The following SPOCK3 variants were observed in gnomAD, a reference collection of about 807,000 sequenced individuals.
SPOCK3 encodes the protein SPARC (osteonectin), cwcv and kazal like domains proteoglycan 3.
In SPOCK3, 30 loss-of-function variants were observed where a neutral mutation model predicts 56.6. The observed-to-expected ratio is 0.53, with a 90% CI of 0.40 to 0.72. The LOEUF is 0.72. SPOCK3 is among the 30% of genes least tolerant of loss of function. The pLI, the probability that SPOCK3 is intolerant of heterozygous loss-of-function variation, is 0.00. For synonymous variants in SPOCK3, 196 were observed against 183.3 expected (o/e 1.07, Z -0.56); for missense variants, 527 against 530.0 (o/e 0.99, Z 0.06).
intron 3 of SPOCK3, among the ~76,000 whole-genome samples, chr4:167,043,702 T>A (rs1342748323): frequency 6.9e-6 from 1 of 144,480 alleles, no homozygotes; most frequent in African/African-American, 2.5e-5. Flanking sequence ...ACTATGTAAT[T>A]TTTTTTCTTC....
intron 4 of SPOCK3, among the ~76,000 whole-genome samples, chr4:166,924,630 G>A (rs552394732): frequency 6.6e-6 from 1 of 152,272 alleles, no homozygotes; most frequent in South Asian, 2.1e-4. Flanking sequence ...CACTAACAAT[G>A]CCTGAAAGGC....
chr4:167,184,770 G>C (rs12640384), intron 2 of SPOCK3, among the ~76,000 whole-genome samples: 27,784 of 151,934 alleles, frequency 0.18, 2,741 homozygotes, highest in Admixed American at 0.26. Flanking sequence ...TGGAAGCTGA[G>C]ACTCTGAAAG....
chr4:167,200,029 T>C (rs1304143970), intron 2 of SPOCK3, among the ~76,000 whole-genome samples: 1 of 152,068 alleles, frequency 6.6e-6, no homozygotes, highest in Non-Finnish European at 1.5e-5. Context: ...ATAATTACTA[T>C]ATAGACAAGA....
chr4:166,835,878 T>C (rs1306633653), intron 6 of SPOCK3, among the ~76,000 whole-genome samples: 2 of 152,090 alleles, frequency 1.3e-5, no homozygotes, highest in African/African-American at 4.8e-5. Flanking sequence ...TGGTGGTGCA[T>C]GCCTGTAATT....
chr4:167,175,141 T>C (rs894600563), intron 2 of SPOCK3, among the ~76,000 whole-genome samples: 33 of 152,244 alleles, frequency 2.2e-4, no homozygotes, highest in Admixed American at 2.1e-3. Flanking sequence ...CTTATAGAAC[T>C]TCTGATGCCA....
chr4:166,836,334 GCTTT>G (rs1454353559), intron 6 of SPOCK3, among the ~76,000 whole-genome samples: 7 of 152,070 alleles, frequency 4.6e-5, no homozygotes, highest in Non-Finnish European at 1.0e-4. Flanking sequence ...ATTTTTTTCA[GCTTT>G]CTAAGAATTA....
chr4:166,786,522 A>G (rs1740745584), intron 7 of SPOCK3, among the ~76,000 whole-genome samples: 1 of 152,166 alleles, frequency 6.6e-6, no homozygotes, highest in African/African-American at 2.4e-5. Flanking sequence ...AGAAAAAAAT[A>G]TCATGGCTTA....
At chr4:166,891,193 A>T (rs944281859) in intron 5 of SPOCK3, among the ~76,000 whole-genome samples, 1 of 151,978 alleles carries the variant, frequency 6.6e-6, no homozygotes, top group Non-Finnish European at 1.5e-5. Flanking sequence ...TCTAAAAGAA[A>T]TAGATCTTGC....
chr4:167,077,292 A>G (rs959347951), intron 2 of SPOCK3, among the ~76,000 whole-genome samples: 2 of 151,826 alleles, frequency 1.3e-5, no homozygotes, highest in Non-Finnish European at 2.9e-5. Context: ...ACACACATCA[A>G]AATTCTTTAG....
At position 167,143,329 on chromosome 4, in the gene SPOCK3, T is replaced by C. The variant is rs186734298; in HGVS notation, c.190-80792A>G. On this transcript the variant is annotated intron_variant, in intron 2 of 10. Transcript: ENST00000357545. Reference sequence around the variant, plus strand: ...TGTAAAGTGGAAAGATTTTGGGTTATGGATTCAGAGAAACATGGATTTCAA... The same window carrying C: ...TGTAAAGTGGAAAGATTTTGGGTTACGGATTCAGAGAAACATGGATTTCAA... Among the ~76,000 whole-genome samples the C allele has an allele frequency of 3.0e-3, 458 of 152,108 alleles. 5 individuals are homozygous for C. Among genetic ancestry groups the C allele is most frequent in the Non-Finnish European group, 5.3e-4 (36 of 67,920 alleles).
At chr4:166,854,641 T>C (rs1384149511) in intron 6 of SPOCK3, among the ~76,000 whole-genome samples, 1 of 152,216 alleles carries the variant, frequency 6.6e-6, no homozygotes, top group Non-Finnish European at 1.5e-5. Context: ...GTTATCAAAA[T>C]TATACTGTTG....
At chr4:167,214,490 C>T (rs905333045) in intron 2 of SPOCK3, among the ~76,000 whole-genome samples, 4 of 152,012 alleles carry the variant, frequency 2.6e-5, no homozygotes, top group Non-Finnish European at 4.4e-5. Flanking sequence ...TTCATGACTA[C>T]AACTTCACAT....
chr4:167,115,305 T>C (rs1421652331), intron 2 of SPOCK3, among the ~76,000 whole-genome samples: 1 of 148,754 alleles, frequency 6.7e-6, no homozygotes, highest in Non-Finnish European at 1.5e-5. Context: ...ATTTGCTATC[T>C]GGCCTTGTAC....
intron 8 of SPOCK3, among the ~76,000 whole-genome samples, chr4:166,749,188 G>A (rs758686680): frequency 8.0e-5 from 11 of 137,388 alleles, no homozygotes; most frequent in East Asian, 3.9e-4. Context: ...ACATGTGCAC[G>A]TATGTTTATT....
chr4:166,968,209 TAA>T (rs1381108952), intron 4 of SPOCK3, among the ~76,000 whole-genome samples: 2 of 152,140 alleles, frequency 1.3e-5, no homozygotes, highest in Non-Finnish European at 2.9e-5. Flanking sequence ...AAGCAGAGCA[TAA>T]AAGTTTGGAA....
At chr4:167,215,931 G>A (rs9996643) in intron 2 of SPOCK3, among the ~76,000 whole-genome samples, 32,918 of 152,028 alleles carry the variant, frequency 0.22, 4,477 homozygotes, top group African/African-American at 0.38. Context: ...AGGCTGAGCT[G>A]CATTAAAATC....
At chr4:166,754,161 T>A (rs969537620) in intron 8 of SPOCK3, 1 of 1,012,732 alleles carries the variant, frequency 9.9e-7, no homozygotes, top group African/African-American at 1.7e-5. Context: ...AATCCATTTA[T>A]TTTACATTGT....
At chr4:166,859,919 C>T (rs1293168757) in intron 6 of SPOCK3, among the ~76,000 whole-genome samples, 1 of 152,032 alleles carries the variant, frequency 6.6e-6, no homozygotes, top group Non-Finnish European at 1.5e-5. Flanking sequence ...AGAGAGTTTA[C>T]AAATGTATCG....
intron 7 of SPOCK3, among the ~76,000 whole-genome samples, chr4:166,782,071 T>C (rs1740238374): frequency 1.3e-5 from 2 of 152,186 alleles, no homozygotes; most frequent in South Asian, 4.1e-4. Context: ...GTATCTGTCA[T>C]CTCAAACATT....
Sources: allele counts gnomAD v4.1 joint callset (sites outside exome capture counted in the v4.1 genomes callset), GRCh38; gene constraint gnomAD v4.1.1; transcripts MANE v1.5; gene names NCBI Gene and HGNC (gene_info 2026-07-23, HGNC 2026-07-21).